The following MAP7 variants were observed in gnomAD, a reference collection of about 807,000 sequenced individuals.
The protein encoded by MAP7 is ensconsin.
Under a neutral mutation model 94.8 loss-of-function variants are expected in MAP7, and 52 were observed. That is an observed-to-expected ratio of 0.55 (90% CI 0.44 to 0.69). The LOEUF (loss-of-function observed/expected upper bound fraction) is 0.69. MAP7 is among the 30% of genes least tolerant of loss of function. The probability of loss-of-function intolerance (pLI) is 0.00; values close to 1 mark genes in which losing one functional copy is unlikely to be tolerated. For missense variants in MAP7, 940 were observed against 964.6 expected, an observed-to-expected ratio of 0.97 and a Z score of 0.34; for synonymous variants, 350 against 357.0, an observed-to-expected ratio of 0.98 and a Z score of 0.22.
intron 1 of MAP7, among the ~76,000 whole-genome samples, chr6:136,478,443 C>A (rs865856437): frequency 1.6e-4 from 24 of 151,334 alleles, no homozygotes; most frequent in Non-Finnish European, 1.5e-5. Context: ...CAAAAACAAA[C>A]AAAAAAACAA....
At chr6:136,360,884 T>TG in intron 12 of MAP7, 86 bp from the exon 13 acceptor site, 1 of 1,561,162 alleles carries the variant, frequency 6.4e-7, no homozygotes. Context: ...GGGGGCGAGG[T>TG]GGCGGATGGA....
intron 1 of MAP7, chr6:136,525,991 T>G (rs1827726619): frequency 6.7e-7 from 1 of 1,490,220 alleles, no homozygotes; most frequent in Non-Finnish European, 8.8e-7. Flanking sequence ...TTTTTTTTTT[T>G]TAATTGTGAT....
At chr6:136,410,899 C>T (rs920013802) in intron 3 of MAP7, among the ~76,000 whole-genome samples, 1 of 152,216 alleles carries the variant, frequency 6.6e-6, no homozygotes, top group African/African-American at 2.4e-5. Context: ...ACTCTGTACA[C>T]GCACATGCTG....
chr6:136,408,775 T>C (rs909645472), intron 3 of MAP7, among the ~76,000 whole-genome samples: 3 of 152,168 alleles, frequency 2.0e-5, no homozygotes, highest in African/African-American at 4.8e-5. Context: ...TTAAACTTTT[T>C]TTCTTTTAAA....
chr6:136,391,474 C>T (rs867301760), intron 3 of MAP7, among the ~76,000 whole-genome samples: 12 of 149,102 alleles, frequency 8.0e-5, no homozygotes, highest in South Asian at 4.3e-4. Flanking sequence ...GTGGGTGCAG[C>T]GCACCAGCAT....
At chr6:136,452,745 G>T (rs1562417044) in intron 1 of MAP7, among the ~76,000 whole-genome samples, 1 of 152,080 alleles carries the variant, frequency 6.6e-6, no homozygotes, top group African/African-American at 2.4e-5. Context: ...TAGAGATAGG[G>T]TTTCACCATG....
At chr6:136,474,701 T>C (rs1248082038) in intron 1 of MAP7, among the ~76,000 whole-genome samples, 1 of 150,406 alleles carries the variant, frequency 6.6e-6, no homozygotes, top group East Asian at 2.0e-4. Context: ...TTGTCTTCTA[T>C]GCTGCATGTC....
intron 2 of MAP7, among the ~76,000 whole-genome samples, chr6:136,413,081 G>A (rs921778369): frequency 1.3e-5 from 2 of 152,176 alleles, no homozygotes; most frequent in African/African-American, 2.4e-5. Flanking sequence ...AGAACGGCTT[G>A]AACTTGGGAG....
At chr6:136,366,640 C>T (rs537385856) in intron 8 of MAP7, among the ~76,000 whole-genome samples, 1 of 152,238 alleles carries the variant, frequency 6.6e-6, no homozygotes, top group African/African-American at 2.4e-5. Flanking sequence ...CAATGTGACA[C>T]TAATAAGGTG....
chr6:136,432,255 A>C (rs1378652092), intron 1 of MAP7, among the ~76,000 whole-genome samples: 1 of 152,212 alleles, frequency 6.6e-6, no homozygotes, highest in Non-Finnish European at 1.5e-5. Flanking sequence ...AATAAAGTCC[A>C]TGCATCTTAG....
intron 1 of MAP7, among the ~76,000 whole-genome samples, chr6:136,519,683 A>G (rs1562483144): frequency 6.6e-6 from 1 of 152,182 alleles, no homozygotes; most frequent in Non-Finnish European, 1.5e-5. Context: ...CCAGAAATAC[A>G]CATTTTAACA....
intron 8 of MAP7, among the ~76,000 whole-genome samples, chr6:136,371,874 G>A (rs1285979338): frequency 7.2e-5 from 11 of 152,172 alleles, no homozygotes; most frequent in East Asian, 3.8e-4. Context: ...ACCTCAGCCC[G>A]TAATAATAAG....
At chr6:136,406,693 T>A (rs1398076966) in intron 3 of MAP7, among the ~76,000 whole-genome samples, 1 of 152,144 alleles carries the variant, frequency 6.6e-6, no homozygotes, top group Non-Finnish European at 1.5e-5. Context: ...TGGTAGCACA[T>A]GCCTGTAATC....
rs1229189342 is a variant in MAP7, at chr6:136,496,745, GC to G, written c.67+53596del. ...TCTTGAGGGCAGGAGTTTGAGACCA[GC>G]CTGGCCAACAAGGTGAAACCCCGTC... On this transcript the variant is annotated intron_variant, in intron 1 of 17. Coordinates refer to ENST00000354570, the MANE Select transcript of MAP7 (RefSeq NM_003980.6). Among the ~76,000 whole-genome samples, 7 of 134,900 alleles carry G rather than the reference GC, an allele frequency of 5.2e-5. No homozygotes were observed. The East Asian group carries it at 1.6e-3, about 30-fold the overall frequency. 88.5% of individuals were successfully genotyped at this position (134,900 alleles called of 152,430 possible). A position where few individuals can be genotyped will look rare whatever the true frequency, so the allele number is the denominator to read the frequency against.
intron 1 of MAP7, among the ~76,000 whole-genome samples, chr6:136,518,468 G>GACAC (rs1825497326): frequency 6.6e-6 from 1 of 152,170 alleles, no homozygotes; most frequent in Admixed American, 6.5e-5. Flanking sequence ...GTCCATCTGT[G>GACAC]ACACACTTTG....
At chr6:136,519,562 G>A (rs1825805781) in intron 1 of MAP7, among the ~76,000 whole-genome samples, 2 of 152,184 alleles carry the variant, frequency 1.3e-5, no homozygotes. Context: ...TCACTTATCT[G>A]ATAGGAATAT....
intron 2 of MAP7, among the ~76,000 whole-genome samples, chr6:136,412,697 G>A (rs1284947563): frequency 6.6e-6 from 1 of 152,136 alleles, no homozygotes; most frequent in Non-Finnish European, 1.5e-5. Context: ...CATGGTTAAG[G>A]TGAGGACTTT....
chr6:136,544,488 C>T (rs1829570144), intron 1 of MAP7, among the ~76,000 whole-genome samples: 1 of 152,088 alleles, frequency 6.6e-6, no homozygotes, highest in Non-Finnish European at 1.5e-5. Flanking sequence ...TCTTTGAATC[C>T]CTTACCTCTC....
chr6:136,449,074 C>T (rs1271068883), intron 1 of MAP7, among the ~76,000 whole-genome samples: 5 of 150,768 alleles, frequency 3.3e-5, no homozygotes, highest in East Asian at 2.0e-4. Flanking sequence ...TTTGGGAGGC[C>T]GAGGCGGGCG....
Sources: gnomAD v4.1 joint callset for allele counts (sites outside exome capture counted in the v4.1 genomes callset) on GRCh38, gnomAD v4.1.1 for gene constraint, MANE v1.5 for transcripts, NCBI Gene and HGNC (gene_info 2026-07-23, HGNC 2026-07-21) for gene names.